NPAS3: variants seen among roughly 807,000 people sequenced by gnomAD.
NPAS3 encodes the protein neuronal PAS domain protein 3.
Under a neutral mutation model 73.1 loss-of-function variants are expected in NPAS3, and 14 were observed. The ratio of observed to expected loss-of-function variants is 0.19; its 90% CI spans 0.13 to 0.30. The LOEUF is 0.30. NPAS3 is among the 10% of genes least tolerant of loss of function. The probability of loss-of-function intolerance (pLI) is 1.00; values close to 1 mark genes in which losing one functional copy is unlikely to be tolerated. For missense variants in NPAS3, 1,096 were observed against 1,250.0 expected (o/e 0.88, Z 1.86); for synonymous variants, 620 against 541.5 (o/e 1.14, Z -2.01).
At chr14:33,233,201 A>G (rs1297645764) in intron 3 of NPAS3, among the ~76,000 whole-genome samples, 3 of 152,148 alleles carry the variant, frequency 2.0e-5, no homozygotes, top group African/African-American at 7.2e-5. Flanking sequence ...AAAGACCACA[A>G]ATGCTAAACA....
At chr14:33,474,903 A>T (rs576109642) in intron 4 of NPAS3, among the ~76,000 whole-genome samples, 1 of 152,220 alleles carries the variant, frequency 6.6e-6, no homozygotes, top group African/African-American at 2.4e-5. Context: ...GTGCATTTAA[A>T]CTGTCAACAA....
Position 33,419,578 on chromosome 14 carries a change from G to C in NPAS3, c.468+52310G>C, listed in dbSNP as rs368990965. On this transcript the variant is annotated intron_variant, in intron 4 of 11. Coordinates refer to ENST00000356141, the Ensembl canonical transcript of NPAS3. ...TTAAAAGCATTTTTTAAAGCTTTTG[G>C]TGAAACATCCTTGTTTAGTGACCAT... Among the ~76,000 whole-genome samples, 131 of 151,956 alleles carry C rather than the reference G, an allele frequency of 8.6e-4. 1 individual carries two copies. Among genetic ancestry groups the C allele is most frequent in the African/African-American group, 3.0e-3 (126 of 41,494 alleles).
At chr14:33,576,195 T>C (rs1057442265) in intron 5 of NPAS3, among the ~76,000 whole-genome samples, 2 of 152,198 alleles carry the variant, frequency 1.3e-5, no homozygotes, top group African/African-American at 4.8e-5. Context: ...CCTTTGCATT[T>C]GGCGTCATAA....
chr14:33,439,583 T>G (rs2049146234), intron 4 of NPAS3, among the ~76,000 whole-genome samples: 1 of 151,982 alleles, frequency 6.6e-6, no homozygotes, highest in Non-Finnish European at 1.5e-5. Flanking sequence ...AGAATTCCAA[T>G]GCAAAACAAT....
At chr14:33,341,596 T>C (rs1188626152) in intron 3 of NPAS3, among the ~76,000 whole-genome samples, 1 of 152,044 alleles carries the variant, frequency 6.6e-6, no homozygotes, top group Non-Finnish European at 1.5e-5. Context: ...TGGGTATAAA[T>C]GGGAAGGGCT....
At chr14:33,542,435 A>G (rs2054564568) in intron 4 of NPAS3, among the ~76,000 whole-genome samples, 1 of 152,110 alleles carries the variant, frequency 6.6e-6, no homozygotes. Context: ...TTGGCAGACA[A>G]GCCTCCTGTG....
chr14:33,316,787 C>A lies in NPAS3; in HGVS notation c.386-50399C>A, dbSNP rs76730629. On this transcript the variant is annotated intron_variant, in intron 3 of 11. Transcript: ENST00000356141. The stretch of plus-strand genomic sequence containing the variant: ...ATGTTAGAGGCCAGTTGTGTGCTCT[C>A]CAATCTAAAACAGGAATCCCCTCTT... 7.5e-3 allele frequency among the ~76,000 whole-genome samples: 1,147 copies of A among 152,130 alleles called. 65 individuals are homozygous for A. The East Asian group carries it at 0.14, about 18-fold the overall frequency.
chr14:33,676,394 T>A lies in NPAS3; in HGVS notation c.733+9T>A, dbSNP rs1225292111. 3.2e-6 allele frequency: 5 copies of A among 1,551,690 alleles called. No individual in the cohort carries two copies. Among genetic ancestry groups the A allele is most frequent in the Non-Finnish European group, 4.3e-6 (5 of 1,155,292 alleles). On this transcript the variant is annotated intron_variant, in intron 6 of 11. Coordinates refer to ENST00000356141, the Ensembl canonical transcript of NPAS3. The stretch of plus-strand genomic sequence containing the variant: ...GGAGACCCCCGAGCCAGGTGGGAAT[T>A]GCAAACCCAGTGTGTGGGTTGGTGG...
At chr14:33,370,583 C>G (rs1370287605) in intron 4 of NPAS3, among the ~76,000 whole-genome samples, 3 of 152,092 alleles carry the variant, frequency 2.0e-5, no homozygotes, top group Non-Finnish European at 2.9e-5. Flanking sequence ...GACAAGAGAA[C>G]AGTTTGGTTT....
At chr14:32,978,363 GCCA>G (rs2037772569) in intron 1 of NPAS3, among the ~76,000 whole-genome samples, 1 of 152,132 alleles carries the variant, frequency 6.6e-6, no homozygotes, top group African/African-American at 2.4e-5. Context: ...TGGGAGAAGG[GCCA>G]TCCACATACA....
At chr14:33,697,087 C>T (rs1305814839) in intron 6 of NPAS3, among the ~76,000 whole-genome samples, 1 of 152,212 alleles carries the variant, frequency 6.6e-6, no homozygotes, top group Non-Finnish European at 1.5e-5. Flanking sequence ...CTACTGCTGC[C>T]TGTTGGCCTA....
intron 1 of NPAS3, among the ~76,000 whole-genome samples, chr14:32,999,344 T>C (rs1020678397): frequency 1.3e-5 from 2 of 152,066 alleles, no homozygotes; most frequent in African/African-American, 4.8e-5. Context: ...ACCCCATCTC[T>C]ACTAAAAATA....
chr14:33,004,594 A>G (rs761212263), intron 1 of NPAS3, among the ~76,000 whole-genome samples: 5 of 152,092 alleles, frequency 3.3e-5, no homozygotes, highest in Non-Finnish European at 7.4e-5. Context: ...CTTTATAAAC[A>G]CACTGTTCAC....
At chr14:33,242,615 C>T (rs1386105017) in intron 3 of NPAS3, among the ~76,000 whole-genome samples, 1 of 152,008 alleles carries the variant, frequency 6.6e-6, no homozygotes. Flanking sequence ...TCAGATGCGT[C>T]AACATTATTC....
chr14:33,700,693 A>C (rs1251352842), intron 6 of NPAS3, among the ~76,000 whole-genome samples: 2 of 152,232 alleles, frequency 1.3e-5, no homozygotes, highest in African/African-American at 4.8e-5. Context: ...AGGATGTTTT[A>C]GCTAGTTAAT....
chr14:32,972,419 T>C (rs554371543), intron 1 of NPAS3, among the ~76,000 whole-genome samples: 2 of 152,340 alleles, frequency 1.3e-5, no homozygotes, highest in East Asian at 3.9e-4. Flanking sequence ...TTTTTGAAGA[T>C]TCATAAAATC....
chr14:33,100,254 T>C (rs771146243), intron 2 of NPAS3, among the ~76,000 whole-genome samples: 1 of 152,188 alleles, frequency 6.6e-6, no homozygotes, highest in Non-Finnish European at 1.5e-5. Context: ...AGGTTTTTCT[T>C]GTGCTGAATA....
At chr14:33,737,627 T>A (rs1243285123) in intron 7 of NPAS3, among the ~76,000 whole-genome samples, 1 of 152,168 alleles carries the variant, frequency 6.6e-6, no homozygotes, top group African/African-American at 2.4e-5. Context: ...ATCCAGCTCT[T>A]CCTCTCCTCC....
intron 5 of NPAS3, among the ~76,000 whole-genome samples, chr14:33,605,404 A>AAAC (rs1452273807): frequency 6.6e-6 from 1 of 151,398 alleles, no homozygotes; most frequent in East Asian, 1.9e-4. Flanking sequence ...AAAAAAAAAA[A>AAAC]AAAAAACACA....
Sources: gnomAD v4.1 joint callset for allele counts (sites outside exome capture counted in the v4.1 genomes callset) on GRCh38, gnomAD v4.1.1 for gene constraint, MANE v1.5 for transcripts, NCBI Gene and HGNC (gene_info 2026-07-23, HGNC 2026-07-21) for gene names.